The following CCDC150 variants were observed in gnomAD, a reference collection of about 807,000 sequenced individuals.
The protein encoded by CCDC150 is coiled-coil domain containing 150.
In CCDC150, 151 loss-of-function variants were observed where a neutral mutation model predicts 156.5. That is an observed-to-expected ratio of 0.97 (90% CI 0.85 to 1.10). CCDC150 has a LOEUF of 1.10. Ranked by LOEUF, CCDC150 falls within the 50% of genes least tolerant of loss-of-function variation. CCDC150 has a pLI of 0.00. For missense variants in CCDC150, 1,312 were observed against 1,268.1 expected (o/e 1.03, Z -0.53); for synonymous variants, 452 against 429.4 (o/e 1.05, Z -0.65).
chr2:196,671,453 G>A (rs1235138282), intron 8 of CCDC150, among the ~76,000 whole-genome samples: 10 of 112,056 alleles, frequency 8.9e-5, no homozygotes, highest in African/African-American at 1.9e-4. Context: ...TTTTTGAGAC[G>A]GAGTCTCACT....
At chr2:196,714,043 C>T (rs1697320177) in intron 17 of CCDC150, among the ~76,000 whole-genome samples, 2 of 152,034 alleles carry the variant, frequency 1.3e-5, no homozygotes, top group Non-Finnish European at 1.5e-5. Flanking sequence ...AAAATATTTT[C>T]TTGAGAAAAC....
At chr2:196,661,806 G>A (rs963114460) in intron 5 of CCDC150, among the ~76,000 whole-genome samples, 3 of 152,004 alleles carry the variant, frequency 2.0e-5, no homozygotes, top group East Asian at 1.9e-4. Flanking sequence ...ACTTTTGTAC[G>A]GCACATTGTA....
intron 5 of CCDC150, among the ~76,000 whole-genome samples, chr2:196,664,028 GA>G (rs1366041424): frequency 6.6e-6 from 1 of 151,760 alleles, no homozygotes; most frequent in Non-Finnish European, 1.5e-5. Flanking sequence ...TATTTTATGT[GA>G]TTCTTTTTAT....
intron 2 of CCDC150, among the ~76,000 whole-genome samples, chr2:196,647,395 C>T (rs1692610387): frequency 6.6e-6 from 1 of 151,696 alleles, no homozygotes; most frequent in African/African-American, 2.4e-5. Flanking sequence ...ATATTATGTA[C>T]CTAATTATCA....
intron 1 of CCDC150, among the ~76,000 whole-genome samples, chr2:196,644,394 A>AT (rs1201351191): frequency 6.6e-6 from 1 of 151,908 alleles, no homozygotes. Context: ...TTACCCCTCC[A>AT]TTTTTTCCCC....
At chr2:196,677,435 T>A (rs2125618608) in intron 13 of CCDC150, 74 bp downstream of exon 13, 1 of 985,330 alleles carries the variant, frequency 1.0e-6, no homozygotes, top group Non-Finnish European at 1.6e-6. Flanking sequence ...CAGCTTATCT[T>A]AATGAGGAGA....
In CCDC150 at chr2:196,700,501, C is replaced by CA. The variant is rs570348347; in HGVS notation, c.1624-607dup. ...TTTTTCTGATGTAGTCTGAGAACAA[C>CA]AGGATATGAAAAAATAACTGTCATT... On this transcript the variant is annotated intron_variant, in intron 14 of 27. Transcript: ENST00000389175. Among the ~76,000 whole-genome samples the CA allele has an allele frequency of 1.2e-3, 187 of 151,990 alleles. 2 individuals are homozygous for CA. Among genetic ancestry groups the CA allele is most frequent in the Non-Finnish European group, 8.4e-4 (57 of 67,968 alleles).
rs556018318 is a variant in CCDC150 at position 196,732,513 on chromosome 2, A to G, written c.3257A>G (p.Asn1086Ser). The change falls in exon 28 of 28, where the codon AAT becomes AGT. Residue 1086 changes from asparagine to serine, a missense_variant. Coordinates refer to ENST00000389175, the MANE Select transcript of CCDC150 (RefSeq NM_001080539.2). ...SVLHRWERKQNLRPMPKKYHS... is the reference protein window; with the variant it reads ...SVLHRWERKQSLRPMPKKYHS... Reference sequence around the variant, plus strand: ...CTGCATCGATGGGAGAGAAAACAGAATCTTAGGCCCATGCCCAAGAAGTAT... The same window carrying G: ...CTGCATCGATGGGAGAGAAAACAGAGTCTTAGGCCCATGCCCAAGAAGTAT... 22 of 1,613,846 alleles carry G rather than the reference A, an allele frequency of 1.4e-5. No homozygotes were observed. Among genetic ancestry groups the G allele is most frequent in the Admixed American group, 6.7e-5 (4 of 60,024 alleles).
chr2:196,652,016 T>C (rs941309547), intron 2 of CCDC150, among the ~76,000 whole-genome samples: 1 of 152,074 alleles, frequency 6.6e-6, no homozygotes, highest in African/African-American at 2.4e-5. Context: ...AACTCACTCA[T>C]TACCATGGGG....
At chr2:196,716,512 T>C (rs1370955051) in intron 17 of CCDC150, among the ~76,000 whole-genome samples, 1 of 152,212 alleles carries the variant, frequency 6.6e-6, no homozygotes, top group African/African-American at 2.4e-5. Context: ...GTGCATACAA[T>C]ACAATTCCAT....
Position 196,721,696 on chromosome 2 carries a change from G to A in CCDC150, c.2429+5G>A, listed in dbSNP as rs1296937453. On this transcript the variant is annotated splice_donor_5th_base_variant and intron_variant, in intron 21 of 27. Transcript: ENST00000389175. ...ACAGAATTTGGAAACCTTCAAGTAA[G>A]AGCATTATAGTTGCAGTAAAATTAG... 2 of 1,579,206 alleles carry A rather than the reference G, an allele frequency of 1.3e-6. No individual in the cohort carries two copies. Among genetic ancestry groups the A allele is most frequent in the African/African-American group, 1.4e-5 (1 of 73,894 alleles).
intron 8 of CCDC150, among the ~76,000 whole-genome samples, chr2:196,671,477 TGGA>T (rs1694202652): frequency 7.1e-6 from 1 of 139,886 alleles, no homozygotes; most frequent in Non-Finnish European, 1.5e-5. Flanking sequence ...TCACTCAGGC[TGGA>T]GTGCATTGGC....
Position 196,730,102 on chromosome 2 carries a change from T to C in CCDC150, c.2966T>C (p.Leu989Pro), listed in dbSNP as rs770342752. The C allele has an allele frequency of 6.2e-7, 1 of 1,606,480 alleles. No homozygotes were observed. The highest frequency in any genetic ancestry group is 8.5e-7 in the Non-Finnish European group (1 of 1,177,170). The change falls in exon 25 of 28, where the codon CTA (leucine) becomes CCA (proline). Residue 989 changes from leucine (L) to proline (P), a missense_variant. Coordinates refer to ENST00000389175, the MANE Select transcript of CCDC150 (RefSeq NM_001080539.2). The stretch of plus-strand genomic sequence containing the variant: ...GCAGAGCGGAAAATAAGGCAGGAGC[T>C]AGAGAATCGGTGCCAGGTAAAAGGT... Reference protein sequence around the residue: ...LEAERKIRQELENRCQELEET... With the variant: ...LEAERKIRQEPENRCQELEET...
At chr2:196,641,518 C>T (rs1692229895) in intron 1 of CCDC150, among the ~76,000 whole-genome samples, 1 of 152,120 alleles carries the variant, frequency 6.6e-6, no homozygotes, top group African/African-American at 2.4e-5. Flanking sequence ...GAAAATCTGC[C>T]CTGTAGCCTC....
intron 6 of CCDC150, 70 bp from the exon 7 acceptor site, chr2:196,666,649 C>A: frequency 7.9e-7 from 1 of 1,270,338 alleles, no homozygotes; most frequent in Admixed American, 2.5e-5. Flanking sequence ...TTGCCTTATA[C>A]ATGTGCTATA....
intron 21 of CCDC150, among the ~76,000 whole-genome samples, chr2:196,725,554 ACAT>A (rs1449334816): frequency 1.3e-5 from 2 of 152,230 alleles, no homozygotes; most frequent in Non-Finnish European, 2.9e-5. Context: ...TAGCAAAAAG[ACAT>A]CATCTTACTA....
chr2:196,656,534 T>C, intron 2 of CCDC150, 99 bp from the exon 3 acceptor site: 1 of 817,804 alleles, frequency 1.2e-6, no homozygotes, highest in Non-Finnish European at 2.0e-6. Flanking sequence ...CACTCTCCAA[T>C]TATTATTCTT....
intron 15 of CCDC150, among the ~76,000 whole-genome samples, chr2:196,705,537 C>A (rs1434902288): frequency 1.3e-5 from 2 of 152,172 alleles, no homozygotes; most frequent in African/African-American, 4.8e-5. Flanking sequence ...TTTTGCTATG[C>A]AGAAGCTCTT....
At chr2:196,718,343 TG>T in intron 17 of CCDC150, 159 bp from the exon 18 acceptor site, 1 of 460,836 alleles carries the variant, frequency 2.2e-6, no homozygotes, top group South Asian at 4.8e-5. Context: ...ATATTTTTGT[TG>T]TAGTTTCCTT....
Sources: allele counts gnomAD v4.1 joint callset (sites outside exome capture counted in the v4.1 genomes callset), GRCh38; gene constraint gnomAD v4.1.1; transcripts MANE v1.5; gene names NCBI Gene and HGNC (gene_info 2026-07-23, HGNC 2026-07-21).